RGS5: variants seen among roughly 807,000 people sequenced by gnomAD.
The protein encoded by RGS5 is regulator of G protein signaling 5.
A neutral mutation model predicts 18.9 loss-of-function variants in RGS5; 20 were observed. The ratio of observed to expected loss-of-function variants is 1.06; its 90% CI spans 0.74 to 1.54. The LOEUF (loss-of-function observed/expected upper bound fraction) is 1.54. Ranked by LOEUF, RGS5 falls within the 40% of genes most tolerant of loss-of-function variation. The probability of loss-of-function intolerance (pLI) is 0.00; values close to 1 mark genes in which losing one functional copy is unlikely to be tolerated. For synonymous variants in RGS5, 57 were observed against 76.2 expected (o/e 0.75, Z 1.31); for missense variants, 201 against 211.8 (o/e 0.95, Z 0.32).
intron 1 of RGS5, among the ~76,000 whole-genome samples, chr1:163,174,881 GTT>G (rs1333025475): frequency 6.6e-6 from 1 of 152,108 alleles, no homozygotes; most frequent in Non-Finnish European, 1.5e-5. Context: ...AGGGAGGAGA[GTT>G]GAGAAGCATA....
intron 2 of RGS5, among the ~76,000 whole-genome samples, chr1:163,278,683 G>C (rs546248430): frequency 3.9e-5 from 6 of 152,198 alleles, no homozygotes; most frequent in Admixed American, 6.5e-5. Context: ...AGTGACAGGA[G>C]TAAGTCCTCA....
At chr1:163,231,383 A>G (rs1375971649) in intron 2 of RGS5, among the ~76,000 whole-genome samples, 3 of 152,158 alleles carry the variant, frequency 2.0e-5, no homozygotes, top group Non-Finnish European at 4.4e-5. Flanking sequence ...AAATTTGTGT[A>G]TTGGAAAAAG....
chr1:163,307,552 C>T (rs1257269395), intron 1 of RGS5, among the ~76,000 whole-genome samples: 2 of 151,876 alleles, frequency 1.3e-5, no homozygotes, highest in African/African-American at 4.8e-5. Context: ...GACAGAGAAG[C>T]GTGCGGATTA....
chr1:163,215,555 A>G (rs1361869824), intron 1 of RGS5, among the ~76,000 whole-genome samples: 1 of 152,182 alleles, frequency 6.6e-6, no homozygotes, highest in Non-Finnish European at 1.5e-5. Context: ...GCAAATTACA[A>G]AAGTGTAGTT....
At chr1:163,284,268 T>C (rs961932197) in intron 2 of RGS5, among the ~76,000 whole-genome samples, 3 of 152,158 alleles carry the variant, frequency 2.0e-5, no homozygotes, top group South Asian at 2.1e-4. Context: ...TGTTAGCCCA[T>C]CTCTTGTTAT....
chr1:163,312,182 G>A (rs1314011815), intron 1 of RGS5, among the ~76,000 whole-genome samples: 1 of 152,078 alleles, frequency 6.6e-6, no homozygotes, highest in Non-Finnish European at 1.5e-5. Context: ...CTTCCCCCTT[G>A]GCTTCCTTCA....
chr1:163,307,011 T>A (rs1028990937), intron 1 of RGS5, among the ~76,000 whole-genome samples: 1 of 152,210 alleles, frequency 6.6e-6, no homozygotes, highest in Non-Finnish European at 1.5e-5. Context: ...ACTGATGCAT[T>A]ATACCTTAAT....
intron 1 of RGS5, among the ~76,000 whole-genome samples, chr1:163,310,115 T>C (rs1017709483): frequency 3.9e-5 from 6 of 152,230 alleles, no homozygotes; most frequent in African/African-American, 9.6e-5. Context: ...TGTTGTTCCA[T>C]TGACAGAGTA....
chr1:163,185,457 C>T (rs890119895), intron 1 of RGS5, among the ~76,000 whole-genome samples: 10 of 152,200 alleles, frequency 6.6e-5, no homozygotes, highest in African/African-American at 1.7e-4. Flanking sequence ...TTCCCTTTCA[C>T]GTAATCATAT....
chr1:163,175,736 G>A (rs1658523436), intron 1 of RGS5, among the ~76,000 whole-genome samples: 1 of 152,132 alleles, frequency 6.6e-6, no homozygotes, highest in Non-Finnish European at 1.5e-5. Flanking sequence ...GTAATAGTGT[G>A]ATATCATGTT....
chr1:163,285,167 A>G (rs769468084), intron 2 of RGS5, among the ~76,000 whole-genome samples: 7 of 152,168 alleles, frequency 4.6e-5, no homozygotes, highest in Admixed American at 2.6e-4. Context: ...ACAATTCAAG[A>G]TGAGATTTGG....
At chr1:163,242,212 T>C (rs1647811113) in intron 2 of RGS5, among the ~76,000 whole-genome samples, 1 of 148,112 alleles carries the variant, frequency 6.8e-6, no homozygotes, top group Non-Finnish European at 1.5e-5. Flanking sequence ...GGATCAAACA[T>C]GGCATATTTT....
rs1660081954 is a variant in RGS5 at position 163,210,589 on chromosome 1, G to C, written c.69+6937C>G. Among the ~76,000 whole-genome samples the C allele has an allele frequency of 2.6e-5, 4 of 152,294 alleles. No individual in the cohort carries two copies. The South Asian group carries it at 8.3e-4, about 32-fold the overall frequency. ...ACTATAGTTCTATCACTGTCTAACT[G>C]TGACACTGGGCAAATTACTTAAAAT... On this transcript the variant is annotated intron_variant, in intron 1 of 5. Coordinates refer to the RGS5 transcript ENST00000367903.
chr1:163,252,736 A>G (rs1648142903), intron 2 of RGS5, among the ~76,000 whole-genome samples: 1 of 152,100 alleles, frequency 6.6e-6, no homozygotes, highest in African/African-American at 2.4e-5. Flanking sequence ...ACAAATGTAA[A>G]ACAAATAAGA....
intron 2 of RGS5, among the ~76,000 whole-genome samples, chr1:163,279,805 T>C (rs1287495170): frequency 1.3e-5 from 2 of 150,878 alleles, no homozygotes; most frequent in Non-Finnish European, 3.0e-5. Flanking sequence ...AGAAATAAAA[T>C]CAGAAATGAA....
intron 1 of RGS5, among the ~76,000 whole-genome samples, chr1:163,316,088 A>G (rs1407357908): frequency 6.6e-6 from 1 of 152,228 alleles, no homozygotes; most frequent in African/African-American, 2.4e-5. Context: ...ATAAAATTAT[A>G]CACTACAATA....
At chr1:163,234,147 C>G (rs900667832) in intron 2 of RGS5, among the ~76,000 whole-genome samples, 29 of 152,144 alleles carry the variant, frequency 1.9e-4, no homozygotes, top group African/African-American at 6.8e-4. Context: ...ATCACATATG[C>G]TTGCCTTGTT....
At chr1:163,278,394 G>A (rs865912515) in intron 2 of RGS5, among the ~76,000 whole-genome samples, 5 of 152,014 alleles carry the variant, frequency 3.3e-5, no homozygotes, top group Middle Eastern at 3.2e-3. Flanking sequence ...CTTCAGAAAT[G>A]GAGAAATAAA....
At chr1:163,233,449 T>C (rs1647535459) in intron 2 of RGS5, among the ~76,000 whole-genome samples, 1 of 152,260 alleles carries the variant, frequency 6.6e-6, no homozygotes, top group Admixed American at 6.5e-5. Flanking sequence ...TTTAAAAATT[T>C]CCAGTGGGAG....
Sources: allele counts gnomAD v4.1 joint callset (sites outside exome capture counted in the v4.1 genomes callset), GRCh38; gene constraint gnomAD v4.1.1; transcripts MANE v1.5; gene names NCBI Gene and HGNC (gene_info 2026-07-23, HGNC 2026-07-21).